The following LRP1B variants were observed in gnomAD, a reference collection of about 807,000 sequenced individuals.
LRP1B encodes LDL receptor related protein 1B, also known as low-density lipoprotein receptor-related protein 1B.
LRP1B carries 217 observed loss-of-function variants against 556.6 expected under a neutral mutation model. That is an observed-to-expected ratio of 0.39 (90% CI 0.35 to 0.44). The LOEUF (loss-of-function observed/expected upper bound fraction) is 0.44, where lower values mean the gene tolerates loss of function less well. Among genes scored for constraint, LRP1B ranks in the 20% least tolerant of loss-of-function variants. LRP1B has a pLI of 1.00. For missense variants in LRP1B, 5,053 were observed against 5,620.8 expected (o/e 0.90, Z 3.23); for synonymous variants, 2,047 against 1,865.8 (o/e 1.10, Z -2.50).
intron 84 of LRP1B, 47 bp from the exon 85 acceptor site, chr2:140,274,645 A>AT (rs1340005369): frequency 4.0e-6 from 6 of 1,514,904 alleles, no homozygotes; most frequent in Non-Finnish European, 5.4e-6. Context: ...ATTACAGGAC[A>AT]TTTTTCTTCA....
intron 43 of LRP1B, among the ~76,000 whole-genome samples, chr2:140,574,551 C>T (rs983181142): frequency 2.0e-5 from 3 of 152,170 alleles, no homozygotes; most frequent in Non-Finnish European, 2.9e-5. Context: ...AATCAGCTCT[C>T]TTGTACTAGA....
At chr2:141,976,717 A>G (rs1025008744) in intron 1 of LRP1B, among the ~76,000 whole-genome samples, 1 of 152,118 alleles carries the variant, frequency 6.6e-6, no homozygotes, top group African/African-American at 2.4e-5. Context: ...GGCCTAATTC[A>G]GCAATGAATT....
intron 18 of LRP1B, among the ~76,000 whole-genome samples, chr2:140,972,861 G>A (rs1186586603): frequency 6.6e-6 from 1 of 150,812 alleles, no homozygotes; most frequent in Non-Finnish European, 1.5e-5. Flanking sequence ...TAGTTTGTCA[G>A]TATTTATAAT....
At chr2:141,365,909 G>T (rs928933519) in intron 3 of LRP1B, among the ~76,000 whole-genome samples, 2 of 152,032 alleles carry the variant, frequency 1.3e-5, no homozygotes, top group Admixed American at 6.5e-5. Flanking sequence ...TCCTGACCTT[G>T]TGACCCGCCC....
At chr2:142,059,392 T>C (rs949508816) in intron 1 of LRP1B, among the ~76,000 whole-genome samples, 2 of 152,154 alleles carry the variant, frequency 1.3e-5, no homozygotes, top group African/African-American at 4.8e-5. Flanking sequence ...TTGTTCCTTA[T>C]ATCCACATCC....
intron 1 of LRP1B, among the ~76,000 whole-genome samples, chr2:142,076,654 G>A (rs1289683102): frequency 6.6e-6 from 1 of 152,004 alleles, no homozygotes; most frequent in East Asian, 1.9e-4. Context: ...TCTTTAAAGT[G>A]GAACAAGGGA....
chr2:141,939,138 T>C (rs1187247601), intron 1 of LRP1B, among the ~76,000 whole-genome samples: 1 of 149,098 alleles, frequency 6.7e-6, no homozygotes, highest in Admixed American at 6.6e-5. Context: ...TTTCAGTTGC[T>C]TATACTACAA....
At chr2:142,091,866 C>T (rs1052164219) in intron 1 of LRP1B, among the ~76,000 whole-genome samples, 15 of 152,148 alleles carry the variant, frequency 9.9e-5, no homozygotes, top group Non-Finnish European at 1.3e-4. Flanking sequence ...AGCAGAAAAT[C>T]GATGAAAGAT....
intron 3 of LRP1B, among the ~76,000 whole-genome samples, chr2:141,343,264 CT>C (rs1553499958): frequency 1.3e-5 from 2 of 152,100 alleles, no homozygotes; most frequent in Non-Finnish European, 2.9e-5. Context: ...TGCATAATTT[CT>C]TTATCTCTAC....
chr2:141,649,289 G>A (rs1409028170), intron 2 of LRP1B, among the ~76,000 whole-genome samples: 1 of 152,190 alleles, frequency 6.6e-6, no homozygotes, highest in African/African-American at 2.4e-5. Flanking sequence ...TGAAGCAGCA[G>A]AAGGCATCAT....
intron 18 of LRP1B, among the ~76,000 whole-genome samples, chr2:140,979,732 C>G (rs2105340161): frequency 6.6e-6 from 1 of 152,100 alleles, no homozygotes; most frequent in Middle Eastern, 3.4e-3. Flanking sequence ...TTATCTGCAC[C>G]CCATGCAAGG....
intron 84 of LRP1B, among the ~76,000 whole-genome samples, chr2:140,293,936 G>T (rs1444187670): frequency 6.6e-6 from 1 of 152,202 alleles, no homozygotes; most frequent in African/African-American, 2.4e-5. Context: ...TGCAGTAAAA[G>T]GTGGGAAGCG....
chr2:140,406,102 TTAAC>T (rs963595150), intron 66 of LRP1B, among the ~76,000 whole-genome samples: 3 of 152,154 alleles, frequency 2.0e-5, no homozygotes, highest in African/African-American at 7.2e-5. Context: ...TATAATCATC[TTAAC>T]TGATACAGAA....
intron 6 of LRP1B, among the ~76,000 whole-genome samples, chr2:141,207,260 A>G (rs566763196): frequency 6.6e-6 from 1 of 152,316 alleles, no homozygotes; most frequent in South Asian, 2.1e-4. Context: ...TCGACATTAG[A>G]AAAATTATTC....
intron 43 of LRP1B, among the ~76,000 whole-genome samples, chr2:140,591,223 T>G (rs1259237235): frequency 6.6e-6 from 1 of 152,212 alleles, no homozygotes; most frequent in African/African-American, 2.4e-5. Flanking sequence ...TCCAGCAGCC[T>G]CTCAGAATTT....
rs1395719866 is a variant in LRP1B, at chr2:140,325,095, A to AATTTCCCTACTTC, written c.12340+666_12340+667insGAAGTAGGGAAAT. On this transcript the variant is annotated intron_variant, in intron 80 of 90. Coordinates refer to ENST00000389484, the MANE Select transcript of LRP1B (RefSeq NM_018557.3). ...ACAAAAAAATTGTGGGAAGGAGTTG[A>AATTTCCCTACTTC]AGTAGGGAAAAGAAAGTGAAACAGA... Among the ~76,000 whole-genome samples, 7 of 152,200 alleles carry AATTTCCCTACTTC rather than the reference A, an allele frequency of 4.6e-5. No individual in the cohort carries two copies. The East Asian group carries it at 1.4e-3, about 29-fold the overall frequency.
rs1210016033 is a variant in LRP1B at position 140,988,310 on chromosome 2, G to T, written c.2770+1222C>A. On this transcript the variant is annotated intron_variant, in intron 17 of 90. Coordinates refer to ENST00000389484, the MANE Select transcript of LRP1B (RefSeq NM_018557.3). ...TTAGAAAGTCTTTTGTAAAACAAAA[G>T]ATTTGCTATGAGACAAAAAGATCTT... 7.2e-5 allele frequency among the ~76,000 whole-genome samples: 11 copies of T among 152,114 alleles called. No homozygotes were observed. In the East Asian group the frequency reaches 1.8e-3, roughly 24 times the overall value.
At chr2:141,403,987 T>C (rs1690538184) in intron 3 of LRP1B, among the ~76,000 whole-genome samples, 1 of 152,188 alleles carries the variant, frequency 6.6e-6, no homozygotes, top group Non-Finnish European at 1.5e-5. Flanking sequence ...TTCTTTCTCT[T>C]TGGCATTCTT....
chr2:141,890,630 C>T (rs537086895), intron 1 of LRP1B, among the ~76,000 whole-genome samples: 91 of 151,598 alleles, frequency 6.0e-4, no homozygotes, highest in Non-Finnish European at 1.1e-3. Context: ...ACCAGGGCCC[C>T]GACAGTCAAT....
Sources: allele counts gnomAD v4.1 joint callset (sites outside exome capture counted in the v4.1 genomes callset), GRCh38; gene constraint gnomAD v4.1.1; transcripts MANE v1.5; gene names NCBI Gene and HGNC (gene_info 2026-07-23, HGNC 2026-07-21).